The following TTN variants were observed in gnomAD, a reference collection of about 807,000 sequenced individuals.
The protein encoded by TTN is titin.
A neutral mutation model predicts 3,223.0 loss-of-function variants in TTN; 1,525 were observed. The observed-to-expected ratio is 0.47, with a 90% CI of 0.45 to 0.49. TTN has a LOEUF of 0.49. Ranked by LOEUF, TTN falls within the 20% of genes least tolerant of loss-of-function variation. The pLI, the probability that TTN is intolerant of heterozygous loss-of-function variation, is 0.00. For synonymous variants in TTN, 14,094 were observed against 15,161.0 expected (o/e 0.93, Z 5.17); for missense variants, 40,786 against 43,424.0 (o/e 0.94, Z 5.40).
chr2:178,542,857 G>A lies in TTN; in HGVS notation c.96997C>T (p.Arg32333Cys), dbSNP rs368918455. 10 of 1,613,646 alleles carry A rather than the reference G, an allele frequency of 6.2e-6. No homozygotes were observed. The highest frequency in any genetic ancestry group is 5.3e-5 in the African/African-American group (4 of 74,896). Residue 32333 changes from arginine to cysteine, a missense_variant, in exon 348 of 363, where the codon CGT becomes TGT. Arg to Cys is a radical substitution (Grantham distance 180). Transcript: ENST00000589042. ...AACCAGGAAGCAGCAGGAGGTGGAC[G>A]GCCAGCAATAGGTATCACCAGCTCT... The part of the protein sequence containing the change: ...PVELVIPIAG[R>C]PPPAASWFFA...
rs756248362 is a variant in TTN at position 178,764,166 on chromosome 2, C to T, written c.10114+11G>A. The T allele has an allele frequency of 1.2e-6, 2 of 1,614,042 alleles. No individual in the cohort carries two copies. The highest frequency in any genetic ancestry group is 8.5e-7 in the Non-Finnish European group (1 of 1,179,936). On this transcript the variant is annotated intron_variant, in intron 43 of 362. Transcript: ENST00000589042. ...AGTATTGGCAATGACACCTTTTGTT[C>T]TTAAACCTACCTGTTCCAGAAACCC...
chr2:178,772,840 G>A (rs2154344223), intron 33 of TTN: 1 of 482,790 alleles, frequency 2.1e-6, no homozygotes, highest in Non-Finnish European at 3.7e-6. Context: ...CACATATAAA[G>A]TGATCCTGGG....
Position 178,804,480 on chromosome 2 carries a change from C to A in TTN, c.91+72G>T, listed in dbSNP as rs879020900. ...GCAGGGCTTAAACTTGGCGTCAAGTCCTGCAGCAACGTTAACTTACTGGAG... is the reference window on the plus strand; with the variant it reads ...GCAGGGCTTAAACTTGGCGTCAAGTACTGCAGCAACGTTAACTTACTGGAG... On this transcript the variant is annotated intron_variant, in intron 2 of 362. Transcript: ENST00000589042. The A allele has an allele frequency of 2.0e-6, 3 of 1,475,530 alleles. No individual in the cohort carries two copies. In the South Asian group the frequency reaches 3.5e-5, roughly 17 times the overall value. The allele number at this position is 1,475,530 out of a possible 1,614,324, so 91.4% of individuals were successfully genotyped here.
At position 178,592,832 on chromosome 2, in the gene TTN, C is replaced by T. The variant is rs372951248; in HGVS notation, c.59287G>A (p.Ala19763Thr). 1.2e-6 allele frequency: 2 copies of T among 1,613,558 alleles called. No homozygotes were observed. The highest frequency in any genetic ancestry group is 1.7e-6 in the Non-Finnish European group (2 of 1,179,636). ...ACATGAGCTGGATCTGATTCACCAG[C>T]TGCATTGACTGCTAACACTCTAAAC... The part of the protein sequence containing the change: ...YKFRVLAVNA[A>T]GESDPAHVPE... The change falls in exon 300 of 363, where the codon GCT (alanine) becomes ACT (threonine). Residue 19763 changes from alanine (A) to threonine (T), a missense_variant. Coordinates refer to ENST00000589042, the MANE Select transcript of TTN (RefSeq NM_001267550.2).
rs749873981 is a variant in TTN, at chr2:178,579,072, A to C, written c.67958T>G (p.Phe22653Cys). 1 of 1,613,124 alleles carries C rather than the reference A, an allele frequency of 6.2e-7. No homozygotes were observed. The highest frequency in any genetic ancestry group is 8.5e-7 in the Non-Finnish European group (1 of 1,179,518). The change falls in exon 320 of 363, where the codon TTT becomes TGT. Residue 22653 changes from phenylalanine (F) to cysteine (C), a missense_variant. Phe to Cys is a radical substitution (Grantham distance 205). Transcript: ENST00000589042. ...KPGIPTGPIK[F>C]DEVTAEAMTL... is the part of the protein sequence containing the mutation. ...CATGGCTTCTGCTGTGACTTCATCAAATTTGATTGGTCCAGTGGGGATGCC... is the reference window on the plus strand; with the variant it reads ...CATGGCTTCTGCTGTGACTTCATCACATTTGATTGGTCCAGTGGGGATGCC...
At position 178,784,101 on chromosome 2, in the gene TTN, C is replaced by G. The variant is rs376922544; in HGVS notation, c.2744G>C (p.Arg915Pro). 12 of 1,613,738 alleles carry G rather than the reference C, an allele frequency of 7.4e-6. No homozygotes were observed. Among genetic ancestry groups the G allele is most frequent in the African/African-American group, 1.3e-5 (1 of 74,904 alleles). Residue 915 changes from arginine (R) to proline (P), a missense_variant, in exon 16 of 363, where the codon CGC (arginine) becomes CCC (proline). By Grantham distance (103) the Arg-to-Pro change is moderately radical (BLOSUM62 -2). Transcript: ENST00000589042. ...TTCGCGTCCGTGCAGTACTTCAAAG[C>G]GCTCTTCACGGACGGTGGTGCCAGT... The part of the protein sequence containing the change: ...SITGTTVREE[R>P]FEVLHGREAK...
At chr2:178,676,904 C>T (rs1041842585) in intron 147 of TTN, among the ~76,000 whole-genome samples, 1 of 151,312 alleles carries the variant, frequency 6.6e-6, no homozygotes, top group African/African-American at 2.4e-5. Context: ...ATATAGTATA[C>T]TTATTCATAT....
In TTN at chr2:178,664,023, G is replaced by A. The variant is rs2065344216; in HGVS notation, c.36356C>T (p.Pro12119Leu). 1.2e-6 allele frequency: 2 copies of A among 1,613,222 alleles called. No individual in the cohort carries two copies. Among genetic ancestry groups the A allele is most frequent in the African/African-American group, 2.7e-5 (2 of 74,914 alleles). Residue 12119 changes from proline (P) to leucine (L), a missense_variant, in exon 169 of 363, where the codon CCT becomes CTT. Pro to Leu is a moderately conservative substitution (Grantham distance 98, BLOSUM62 -3). Transcript: ENST00000589042. ...AAGTCAGTGACAAATACCTTTAACA[G>A]GTGGGACTTCAGGCTTTTTAGGAGG... ...VVPPKKPEVP[P>L]VKVPEASKEV...
chr2:178,704,411 T>C lies in TTN; in HGVS notation c.29963-4A>G. On this transcript the variant is annotated splice_polypyrimidine_tract_variant and splice_region_variant and intron_variant, in intron 105 of 362. Transcript: ENST00000589042. ...AGATGCCGTTCCCATGCAGGCTCTG[T>C]TCATGTGATACAACACGCATTTTGT... 1 of 1,611,652 alleles carries C rather than the reference T, an allele frequency of 6.2e-7. No individual in the cohort carries two copies.
chr2:178,776,335 A>T lies in TTN; in HGVS notation c.5529T>A (p.Ile1843=). 6.2e-7 allele frequency: 1 copy of T among 1,613,904 alleles called. No individual in the cohort carries two copies. Among genetic ancestry groups the T allele is most frequent in the Non-Finnish European group, 8.5e-7 (1 of 1,179,974 alleles). The change falls in exon 28 of 363, where the codon ATT becomes ATA. Residue 1843 remains isoleucine, a synonymous_variant. Transcript: ENST00000589042. ...TDQKEKQKPD[I]VLYPEPVRVL... The stretch of plus-strand genomic sequence containing the variant: ...CTCTAACTGGCTCTGGGTACAAGAC[A>T]ATGTCTGGCTTTTGCTTTTCTTTCT...
chr2:178,682,409 A>G (rs1418660223), intron 135 of TTN, among the ~76,000 whole-genome samples: 1 of 152,048 alleles, frequency 6.6e-6, no homozygotes, highest in Non-Finnish European at 1.5e-5. Flanking sequence ...CCTTTTTGAA[A>G]AAGAAACTTA....
In TTN at chr2:178,652,492, A is replaced by G. The variant is rs1248807991; in HGVS notation, c.39093T>C (p.Ala13031=). The G allele has an allele frequency of 3.7e-6, 6 of 1,613,634 alleles. No homozygotes were observed. The highest frequency in any genetic ancestry group is 5.1e-6 in the Non-Finnish European group (6 of 1,179,658). The change falls in exon 202 of 363, where the codon GCT becomes GCC. Residue 13031 remains alanine, a synonymous_variant. Coordinates refer to ENST00000589042, the MANE Select transcript of TTN (RefSeq NM_001267550.2). ...EVVPEKKVPA[A]PPKKPEVTPV... ...GTGTGACTTCAGGCTTTTTAGGAGGAGCCGCTGGCACTTTCTTTTCAGGAA... is the reference window on the plus strand; with the variant it reads ...GTGTGACTTCAGGCTTTTTAGGAGGGGCCGCTGGCACTTTCTTTTCAGGAA...
At chr2:178,800,012 A>C in intron 4 of TTN, 102 bp from the exon 5 acceptor site, 1 of 1,266,722 alleles carries the variant, frequency 7.9e-7, no homozygotes, top group Non-Finnish European at 1.1e-6. Flanking sequence ...TTTTCTGGAT[A>C]TCCCAATGGA....
chr2:178,577,269 A>G lies in TTN; in HGVS notation c.69066T>C (p.Ala23022=), dbSNP rs1032722492. ...CCACCTTCGTGCCAAAAGGATTGGT[A>G]GCAGTGATGGTATATTCACCCGCAT... is the stretch of plus-strand genomic sequence containing the variant. ...RKDAGEYTIT[A]TNPFGTKVEH... The change falls in exon 324 of 363, where the codon GCT becomes GCC. Residue 23022 remains alanine (A), a synonymous_variant. Coordinates refer to ENST00000589042, the MANE Select transcript of TTN (RefSeq NM_001267550.2). 1 of 1,612,936 alleles carries G rather than the reference A, an allele frequency of 6.2e-7. No individual in the cohort carries two copies. Among genetic ancestry groups the G allele is most frequent in the Middle Eastern group, 1.7e-4 (1 of 6,058 alleles).
intron 49 of TTN, among the ~76,000 whole-genome samples, chr2:178,736,906 C>T (rs918876985): frequency 4.6e-5 from 7 of 152,084 alleles, no homozygotes; most frequent in Admixed American, 2.6e-4. Context: ...CTATAGGGAA[C>T]CTCATCGTTT....
In TTN at chr2:178,689,029, TCAGA is replaced by T; in HGVS notation, c.32095+20_32095+23del. On this transcript the variant is annotated intron_variant, in intron 125 of 362. Transcript: ENST00000589042. ...TTTTTTTTTTTTTTTTTTTTTTTTG[TCAGA>T]GGATTGAGGCAAATCCTACCTCGGG... is the stretch of plus-strand genomic sequence containing the variant. The T allele has an allele frequency of 8.2e-7, 1 of 1,224,690 alleles. No homozygotes were observed. The highest frequency in any genetic ancestry group is 1.1e-6 in the Non-Finnish European group (1 of 874,212). The allele number at this position is 1,224,690 out of a possible 1,614,324, so 75.9% of individuals were successfully genotyped here. A position where few individuals can be genotyped will look rare whatever the true frequency, so the allele number is the denominator to read the frequency against.
In TTN at chr2:178,730,538, G is replaced by T; in HGVS notation, c.17995C>A (p.His5999Asn). Residue 5999 changes from histidine (H) to asparagine (N), a missense_variant, in exon 61 of 363, where the codon CAC (histidine) becomes AAC (asparagine). Coordinates refer to ENST00000589042, the MANE Select transcript of TTN (RefSeq NM_001267550.2). The stretch of plus-strand genomic sequence containing the variant: ...GTCAGATGCCCACTGCATTGGTTGT[G>T]CCCTGCCTTATTTGTGGCAGAACAA... ...YTCSATNKAGHNQCSGHLTVK... is the reference protein window; with the variant it reads ...YTCSATNKAGNNQCSGHLTVK... 6.2e-7 allele frequency: 1 copy of T among 1,613,236 alleles called. No individual in the cohort carries two copies. Among genetic ancestry groups the T allele is most frequent in the Non-Finnish European group, 8.5e-7 (1 of 1,179,324 alleles).
In TTN at chr2:178,724,425, C is replaced by T; in HGVS notation, c.20950G>A (p.Asp6984Asn). Residue 6984 changes from aspartate (D) to asparagine (N), a missense_variant, in exon 72 of 363, where the codon GAT becomes AAT. Physicochemically the swap from Asp to Asn is conservative, Grantham distance 23. Transcript: ENST00000589042. ...TPELSVEWYK[D>N]GKLLTSSQKH... ...TGGCTGCTGGTCAACAGCTTTCCAT[C>T]CTTGTACCATTCAACAGAGAGTTCC... is the stretch of plus-strand genomic sequence containing the variant. The T allele has an allele frequency of 6.2e-7, 1 of 1,613,470 alleles. No individual in the cohort carries two copies. The highest frequency in any genetic ancestry group is 1.1e-5 in the South Asian group (1 of 91,074).
At chr2:178,762,131 A>G (rs899660555) in intron 43 of TTN, among the ~76,000 whole-genome samples, 1 of 152,160 alleles carries the variant, frequency 6.6e-6, no homozygotes, top group African/African-American at 2.4e-5. Context: ...CAATTTGTGG[A>G]AAGCAGGGCT....
Sources: allele counts gnomAD v4.1 joint callset (sites outside exome capture counted in the v4.1 genomes callset), GRCh38; gene constraint gnomAD v4.1.1; transcripts MANE v1.5; gene names NCBI Gene and HGNC (gene_info 2026-07-23, HGNC 2026-07-21).